STXBP5L: variants seen among roughly 807,000 people sequenced by gnomAD.
STXBP5L encodes syntaxin-binding protein 5-like.
A neutral mutation model predicts 144.5 loss-of-function variants in STXBP5L; 65 were observed. That is an observed-to-expected ratio of 0.45 (90% CI 0.37 to 0.55). STXBP5L has a LOEUF of 0.55. STXBP5L is among the 20% of genes least tolerant of loss of function. The pLI, the probability that STXBP5L is intolerant of heterozygous loss-of-function variation, is 0.00. For synonymous variants in STXBP5L, 505 were observed against 469.6 expected, an observed-to-expected ratio of 1.08 and a Z score of -0.97; for missense variants, 1,298 against 1,405.5, an observed-to-expected ratio of 0.92 and a Z score of 1.22.
chr3:121,146,579 C>G (rs2045717904), intron 7 of STXBP5L, among the ~76,000 whole-genome samples: 1 of 151,988 alleles, frequency 6.6e-6, no homozygotes, highest in Middle Eastern at 3.4e-3. Context: ...GCTAAAACAA[C>G]AATATGCTGT....
intron 19 of STXBP5L, among the ~76,000 whole-genome samples, chr3:121,313,995 G>A (rs1277166077): frequency 5.9e-5 from 9 of 151,274 alleles, no homozygotes; most frequent in Non-Finnish European, 8.8e-5. Flanking sequence ...CATCTCAGAC[G>A]ATGGGCGGCC....
At chr3:121,117,750 G>A (rs556705690) in intron 6 of STXBP5L, among the ~76,000 whole-genome samples, 1 of 151,490 alleles carries the variant, frequency 6.6e-6, no homozygotes, top group African/African-American at 2.4e-5. Context: ...TATTTTTAGT[G>A]AATTATTCTA....
intron 20 of STXBP5L, among the ~76,000 whole-genome samples, chr3:121,371,710 G>C (rs1041062533): frequency 3.3e-5 from 5 of 152,186 alleles, no homozygotes; most frequent in Admixed American, 2.0e-4. Context: ...AGCACCGGTG[G>C]GTGCTGTGTG....
At position 121,096,263 on chromosome 3, in the gene STXBP5L, C is replaced by T. The variant is rs75722785; in HGVS notation, c.471-18662C>T. On this transcript the variant is annotated intron_variant, in intron 5 of 26. Coordinates refer to ENST00000471454, the MANE Select transcript of STXBP5L (RefSeq NM_001308330.2). ...GGAACCACCTCCTCCTCTAACCTTT[C>T]TTCACGCTTCTTAGCTTGCTTGCAT... is the stretch of plus-strand genomic sequence containing the variant. Among the ~76,000 whole-genome samples, 295 of 152,312 alleles carry T rather than the reference C, an allele frequency of 1.9e-3. 1 individual carries two copies. Among genetic ancestry groups the T allele is most frequent in the African/African-American group, 6.9e-3 (286 of 41,572 alleles).
intron 3 of STXBP5L, among the ~76,000 whole-genome samples, chr3:121,015,634 G>T (rs1945090593): frequency 6.6e-6 from 1 of 152,194 alleles, no homozygotes; most frequent in Non-Finnish European, 1.5e-5. Flanking sequence ...TCATGGTAGA[G>T]ATCTGAGAAA....
chr3:121,270,103 G>T (rs1449222815), intron 18 of STXBP5L, among the ~76,000 whole-genome samples: 1 of 151,992 alleles, frequency 6.6e-6, no homozygotes, highest in Admixed American at 6.6e-5. Context: ...TGTGATATTG[G>T]GCTTTTGATA....
intron 5 of STXBP5L, among the ~76,000 whole-genome samples, chr3:121,114,480 A>G (rs1008215674): frequency 6.6e-6 from 1 of 152,182 alleles, no homozygotes; most frequent in Non-Finnish European, 1.5e-5. Context: ...ATAATATGAA[A>G]TTCATGTATT....
intron 20 of STXBP5L, among the ~76,000 whole-genome samples, chr3:121,364,627 A>T (rs2045812739): frequency 2.0e-5 from 3 of 151,992 alleles, no homozygotes. Context: ...TAATTTTTTC[A>T]GTAATGTTTT....
intron 3 of STXBP5L, among the ~76,000 whole-genome samples, chr3:121,011,662 T>A (rs998834258): frequency 6.6e-6 from 1 of 151,406 alleles, no homozygotes; most frequent in African/African-American, 2.4e-5. Flanking sequence ...ATATTCACTT[T>A]TAAAAAAAAA....
At chr3:121,202,954 A>T (rs144370579) in intron 9 of STXBP5L, among the ~76,000 whole-genome samples, 2 of 152,020 alleles carry the variant, frequency 1.3e-5, no homozygotes, top group South Asian at 2.1e-4. Flanking sequence ...CCATTATTTT[A>T]AAAAATGTTT....
intron 10 of STXBP5L, among the ~76,000 whole-genome samples, chr3:121,207,533 T>G (rs770746399): frequency 6.6e-6 from 1 of 152,254 alleles, no homozygotes; most frequent in East Asian, 1.9e-4. Flanking sequence ...ACTACCATCA[T>G]AGTGAACAGG....
At chr3:121,290,616 C>G (rs2051402715) in intron 19 of STXBP5L, among the ~76,000 whole-genome samples, 1 of 151,990 alleles carries the variant, frequency 6.6e-6, no homozygotes, top group Non-Finnish European at 1.5e-5. Context: ...AAGAAGACTA[C>G]AGACTGATAT....
At chr3:121,303,881 G>C (rs1367905284) in intron 19 of STXBP5L, among the ~76,000 whole-genome samples, 1 of 152,076 alleles carries the variant, frequency 6.6e-6, no homozygotes, top group African/African-American at 2.4e-5. Context: ...CCTGTTGTGG[G>C]GTGGGGGGAG....
At chr3:121,336,635 G>T (rs1052712421) in intron 20 of STXBP5L, among the ~76,000 whole-genome samples, 2 of 152,100 alleles carry the variant, frequency 1.3e-5, no homozygotes, top group Non-Finnish European at 2.9e-5. Context: ...GCAGAGAAAA[G>T]GGAATGCTTA....
intron 20 of STXBP5L, among the ~76,000 whole-genome samples, chr3:121,350,329 C>G (rs938290397): frequency 1.3e-5 from 2 of 152,174 alleles, no homozygotes; most frequent in Non-Finnish European, 2.9e-5. Context: ...GAGAGATCAG[C>G]TGTTAGTATG....
intron 10 of STXBP5L, among the ~76,000 whole-genome samples, chr3:121,213,156 A>T (rs144336801): frequency 0.019 from 2,935 of 152,290 alleles, 89 homozygotes; most frequent in African/African-American, 0.066. Context: ...TCATCTGCAA[A>T]CAGAGACAAT....
intron 20 of STXBP5L, among the ~76,000 whole-genome samples, chr3:121,367,094 C>T (rs1195527641): frequency 2.0e-5 from 3 of 151,980 alleles, no homozygotes; most frequent in Non-Finnish European, 2.9e-5. Context: ...CCATATGTAC[C>T]CCACAACATG....
chr3:121,364,975 G>A (rs2045822705), intron 20 of STXBP5L, among the ~76,000 whole-genome samples: 1 of 151,780 alleles, frequency 6.6e-6, no homozygotes, highest in African/African-American at 2.4e-5. Context: ...AGATGATCAG[G>A]TGGGTTTTTC....
At chr3:121,127,531 C>A (rs549708968) in intron 7 of STXBP5L, among the ~76,000 whole-genome samples, 20 of 151,758 alleles carry the variant, frequency 1.3e-4, no homozygotes, top group Non-Finnish European at 2.4e-4. Context: ...TCCATTTTCA[C>A]ATGATCTTCT....
Sources: allele counts gnomAD v4.1 joint callset (sites outside exome capture counted in the v4.1 genomes callset), GRCh38; gene constraint gnomAD v4.1.1; transcripts MANE v1.5; gene names NCBI Gene and HGNC (gene_info 2026-07-23, HGNC 2026-07-21).